CLN3: variants seen among roughly 807,000 people sequenced by gnomAD.
CLN3 encodes CLN3 lysosomal/endosomal transmembrane protein, battenin.
A neutral mutation model predicts 60.7 loss-of-function variants in CLN3; 49 were observed. The observed-to-expected ratio is 0.81, with a 90% CI of 0.64 to 1.02. CLN3 has a LOEUF of 1.02. Ranked by LOEUF, CLN3 falls within the 50% of genes least tolerant of loss-of-function variation. The pLI is 0.00. For synonymous variants in CLN3, 256 were observed against 245.8 expected (o/e 1.04, Z -0.39); for missense variants, 516 against 557.4 (o/e 0.93, Z 0.75).
intron 5 of CLN3, chr16:28,488,364 G>T: frequency 2.8e-6 from 1 of 362,796 alleles, no homozygotes; most frequent in Non-Finnish European, 4.9e-6. Flanking sequence ...CTTTAAGATG[G>T]GGGTCTCACT....
chr16:28,469,974 A>G (rs1426948701), downstream of CLN3, among the ~76,000 whole-genome samples: 2 of 148,752 alleles, frequency 1.3e-5, no homozygotes, highest in Admixed American at 6.6e-5. Flanking sequence ...TCTGTCTAAA[A>G]AAAAAAAAAA....
Position 28,487,768 on chromosome 16 carries a change from G to A in CLN3, c.295-27C>T, listed in dbSNP as rs371448116. Reference sequence around the variant, plus strand: ...TGGGACAGGAGAATAGAGTGAGACCGCAGAGCTTCCAGGGGACAACCCTCC... The same window carrying A: ...TGGGACAGGAGAATAGAGTGAGACCACAGAGCTTCCAGGGGACAACCCTCC... On this transcript the variant is annotated intron_variant, in intron 5 of 15. Coordinates refer to ENST00000636147, the MANE Select transcript of CLN3 (RefSeq NM_001042432.2). The A allele has an allele frequency of 2.4e-5, 38 of 1,585,196 alleles. No homozygotes were observed. In the African/African-American group the frequency reaches 3.0e-4, roughly 12 times the overall value.
downstream of CLN3, among the ~76,000 whole-genome samples, chr16:28,470,734 G>A (rs1375695302): frequency 2.0e-5 from 3 of 150,944 alleles, no homozygotes; most frequent in Non-Finnish European, 4.5e-5. Context: ...AGAAGAAAGG[G>A]GTCTGGGAAA....
Position 28,482,657 on chromosome 16 carries a change from A to G in CLN3, c.806T>C (p.Leu269Pro). ...PESKPGSSSS[L>P]SLRERWTVFK... ...CACTGTCCACCTTTCCCGAAGGGAG[A>G]GGCTGGAGCTGGAGCCTGCAGGGGA... is the stretch of plus-strand genomic sequence containing the variant. The change falls in exon 11 of 16, where the codon CTC becomes CCC. Residue 269 changes from leucine to proline, a missense_variant. Physicochemically the swap from Leu to Pro is moderately conservative, Grantham distance 98. Transcript: ENST00000636147. The G allele has an allele frequency of 6.2e-7, 1 of 1,614,168 alleles. No individual in the cohort carries two copies. The highest frequency in any genetic ancestry group is 1.1e-5 in the South Asian group (1 of 91,084).
downstream of CLN3, chr16:28,477,126 ACT>A: frequency 6.2e-6 from 2 of 320,552 alleles, no homozygotes; most frequent in South Asian, 5.4e-5. Flanking sequence ...ACAGAGTGAG[ACT>A]CTGTCAAAAC....
At chr16:28,485,631 G>A (rs1304697264) in intron 9 of CLN3, among the ~76,000 whole-genome samples, 1 of 141,464 alleles carries the variant, frequency 7.1e-6, no homozygotes, top group Non-Finnish European at 1.5e-5. Context: ...CTGTTGCCCT[G>A]GCACTCAGGC....
At chr16:28,477,919 G>A (rs752188988) in intron 14 of CLN3, 42 bp from the exon 15 acceptor site, 9 of 1,609,382 alleles carry the variant, frequency 5.6e-6, no homozygotes, top group Non-Finnish European at 7.6e-6. Flanking sequence ...CCAGGGCGGG[G>A]CAGGGAAGGA....
chr16:28,475,101 T>C (rs1371595020), downstream of CLN3, among the ~76,000 whole-genome samples: 6 of 152,044 alleles, frequency 3.9e-5, no homozygotes, highest in Non-Finnish European at 8.8e-5. Context: ...AATATAAAAA[T>C]TAGCCAGGTA....
Position 28,482,370 on chromosome 16 carries a change from AGAG to A in CLN3, c.916_918del (p.Leu306del), listed in dbSNP as rs2046113354. 1.2e-6 allele frequency: 2 copies of A among 1,614,002 alleles called. No homozygotes were observed. The highest frequency in any genetic ancestry group is 1.1e-5 in the South Asian group (1 of 91,082). ...TGACTCAGGGAAGTGTTCCAGAAAA[AGAG>A]GAGTTCAAACTGCAACAAATACCAG... On this transcript the variant is annotated inframe_deletion, in exon 13 of 16. Transcript: ENST00000636147.
At chr16:28,484,344 T>C in intron 9 of CLN3, 1 of 548,086 alleles carries the variant, frequency 1.8e-6, no homozygotes, top group Non-Finnish European at 3.3e-6. Flanking sequence ...TCATGGGCCT[T>C]CATTTTGTTT....
At chr16:28,487,241 A>G (rs1022684759) in intron 7 of CLN3, 3 of 628,178 alleles carry the variant, frequency 4.8e-6, no homozygotes, top group African/African-American at 3.6e-5. Context: ...GTTCACCTCA[A>G]TCTCCATCTA....
chr16:28,482,265 A>T, intron 13 of CLN3, 62 bp downstream of exon 13: 1 of 1,604,808 alleles, frequency 6.2e-7, no homozygotes, highest in Non-Finnish European at 8.5e-7. Context: ...CCCGGTGCCT[A>T]CTGGGCAGGG....
chr16:28,482,038 T>G, intron 14 of CLN3, 67 bp downstream of exon 14: 4 of 1,213,832 alleles, frequency 3.3e-6, no homozygotes, highest in Non-Finnish European at 2.4e-6. Context: ...AAGCAGGGGG[T>G]TTGGGGAAGC....
rs775739498 is a variant in CLN3 at position 28,487,517 on chromosome 16, A to G, written c.399T>C (p.Ile133=). 1.9e-6 allele frequency: 3 copies of G among 1,613,898 alleles called. No individual in the cohort carries two copies. Among genetic ancestry groups the G allele is most frequent in the African/African-American group, 1.3e-5 (1 of 74,898 alleles). ...CCAGGACGAAGCTTCCAGCAGCACAAATCCCACTGACGAGAACCCGGGGGC... is the reference window on the plus strand; with the variant it reads ...CCAGGACGAAGCTTCCAGCAGCACAGATCCCACTGACGAGAACCCGGGGGC... The part of the protein sequence containing the change: ...PYSPRVLVSG[I]CAAGSFVLVA... The change falls in exon 7 of 16, where the codon ATT becomes ATC. Residue 133 remains isoleucine (I), a synonymous_variant. Transcript: ENST00000636147.
At chr16:28,486,907 T>TTTTTC (rs1184908988) in intron 7 of CLN3, 3 of 556,888 alleles carry the variant, frequency 5.4e-6, no homozygotes, top group Admixed American at 3.1e-5. Flanking sequence ...TTCATCAGTC[T>TTTTTC]TTTTCTTTTC....
At chr16:28,489,439 A>T in intron 3 of CLN3, 53 bp from the exon 4 acceptor site, 1 of 1,342,952 alleles carries the variant, frequency 7.4e-7, no homozygotes, top group South Asian at 1.2e-5. Flanking sequence ...AGCCATCTGT[A>T]GCCTTTGTGC....
In CLN3 at chr16:28,484,115, A is replaced by G. The variant is rs747068998; in HGVS notation, c.681T>C (p.Tyr227=). The G allele has an allele frequency of 6.2e-7, 1 of 1,607,894 alleles. No individual in the cohort carries two copies. The highest frequency in any genetic ancestry group is 1.1e-5 in the South Asian group (1 of 89,820). Residue 227 remains tyrosine (Y), a synonymous_variant, in exon 10 of 16, where the codon TAT becomes TAC. Transcript: ENST00000636147. ...LGIPALLLAS[Y]FLLLTSPEAQ... ...CCTCAGGAGATGTGAGCAACAAGAA[A>G]TAGCTAGGAGTAGGATGAAGGCAGG...
At chr16:28,481,163 G>C (rs1402310842) in intron 14 of CLN3, among the ~76,000 whole-genome samples, 1 of 152,026 alleles carries the variant, frequency 6.6e-6, no homozygotes, top group Non-Finnish European at 1.5e-5. Flanking sequence ...CTAGGCTGGA[G>C]TGCAGTGGCA....
At chr16:28,482,598 A>G (rs1026164862) in intron 11 of CLN3, 28 bp downstream of exon 11, 2 of 1,614,186 alleles carry the variant, frequency 1.2e-6, no homozygotes, top group African/African-American at 2.7e-5. Context: ...CAAGCCCCAC[A>G]GGGACATACC....
Sources: allele counts gnomAD v4.1 joint callset (sites outside exome capture counted in the v4.1 genomes callset), GRCh38; gene constraint gnomAD v4.1.1; transcripts MANE v1.5; gene names NCBI Gene and HGNC (gene_info 2026-07-23, HGNC 2026-07-21).